TTC7A: variants seen among roughly 807,000 people sequenced by gnomAD.
TTC7A encodes tetratricopeptide repeat domain 7A, also known as tetratricopeptide repeat protein 7A.
In TTC7A, 110 loss-of-function variants were observed where a neutral mutation model predicts 103.7. The ratio of observed to expected loss-of-function variants is 1.06; its 90% confidence interval spans 0.91 to 1.24. TTC7A has a LOEUF of 1.24. TTC7A is among the 50% of genes most tolerant of loss of function. TTC7A has a pLI of 0.00. For synonymous variants in TTC7A, 521 were observed against 467.9 expected (o/e 1.11, Z -1.47); for missense variants, 1,340 against 1,116.3 (o/e 1.20, Z -2.86).
chr2:46,968,542 G>A (rs750636690), intron 3 of TTC7A, among the ~76,000 whole-genome samples: 6 of 152,122 alleles, frequency 3.9e-5, no homozygotes, highest in East Asian at 3.9e-4. Flanking sequence ...CAAGGTTCCC[G>A]GCCCCTTTTT....
At chr2:46,970,743 G>A (rs548630276) in intron 3 of TTC7A, among the ~76,000 whole-genome samples, 4 of 152,214 alleles carry the variant, frequency 2.6e-5, no homozygotes, top group African/African-American at 4.8e-5. Flanking sequence ...AGTGAGCAAC[G>A]AGGCCTGCCT....
At chr2:47,063,418 C>T (rs895634370) in intron 19 of TTC7A, among the ~76,000 whole-genome samples, 1 of 152,228 alleles carries the variant, frequency 6.6e-6, no homozygotes, top group Non-Finnish European at 1.5e-5. Context: ...CTTTTTCCCA[C>T]TGAGCAAAGA....
chr2:47,044,867 G>C (rs781256111), intron 15 of TTC7A, among the ~76,000 whole-genome samples: 3 of 152,222 alleles, frequency 2.0e-5, no homozygotes, highest in African/African-American at 7.2e-5. Context: ...ACATCAGAGG[G>C]CTTCATGAAG....
intron 15 of TTC7A, among the ~76,000 whole-genome samples, chr2:47,029,754 C>A (rs1323250564): frequency 6.6e-6 from 1 of 152,222 alleles, no homozygotes; most frequent in African/African-American, 2.4e-5. Context: ...ATAGCCCTGA[C>A]ACAGTCAGCC....
At chr2:47,071,346 A>G (rs1321158622) in intron 19 of TTC7A, 1 of 152,136 alleles carries the variant, frequency 6.6e-6, no homozygotes, top group Non-Finnish European at 1.5e-5. Flanking sequence ...GACATGAGCC[A>G]ACCCACCCTA....
At chr2:47,067,194 A>G (rs535690652) in intron 19 of TTC7A, among the ~76,000 whole-genome samples, 1 of 152,352 alleles carries the variant, frequency 6.6e-6, no homozygotes, top group African/African-American at 2.4e-5. Flanking sequence ...GACACATTCA[A>G]TCCATAGCAC....
chr2:46,915,940 G>C (rs1001400932), upstream of TTC7A: 4 of 985,196 alleles, frequency 4.1e-6, no homozygotes, highest in Non-Finnish European at 4.8e-6. Context: ...CGTGTAATCG[G>C]CCCGGGCCCA....
At chr2:46,973,146 A>G (rs1306663087) in intron 3 of TTC7A, among the ~76,000 whole-genome samples, 1 of 152,202 alleles carries the variant, frequency 6.6e-6, no homozygotes, top group Non-Finnish European at 1.5e-5. Flanking sequence ...GCCCATGTCC[A>G]ATCCTGTTCC....
intron 18 of TTC7A, 69 bp from the exon 19 acceptor site, chr2:47,060,700 C>A: frequency 6.9e-7 from 1 of 1,451,596 alleles, no homozygotes; most frequent in South Asian, 1.3e-5. Flanking sequence ...TCTGAGGATG[C>A]AGGGAGGGGG....
chr2:46,993,615 C>A, intron 6 of TTC7A, 87 bp downstream of exon 6: 1 of 1,270,532 alleles, frequency 7.9e-7, no homozygotes, highest in Non-Finnish European at 1.1e-6. Flanking sequence ...GCCTGTGAAG[C>A]AGGGGTGGCA....
rs144825175 is a variant in TTC7A at position 46,932,727 on chromosome 2, C to T, written c.82+15450C>T. 4.9e-3 allele frequency among the ~76,000 whole-genome samples: 747 copies of T among 151,540 alleles called. 6 individuals are homozygous for T. Among genetic ancestry groups the T allele is most frequent in the African/African-American group, 0.017 (715 of 41,314 alleles). On this transcript the variant is annotated intron_variant, in intron 2 of 20. Transcript: ENST00000409245. ...ACCAGTTTGGCCAACAAGGTGAAAC[C>T]CCATCTCTGCTAAAGATACAAAAAT... is the stretch of plus-strand genomic sequence containing the variant.
intron 2 of TTC7A, 129 bp downstream of exon 2, chr2:46,950,655 C>A: frequency 3.1e-6 from 3 of 975,488 alleles, no homozygotes; most frequent in Non-Finnish European, 4.5e-6. Flanking sequence ...CTTGCACTTA[C>A]AGTAGCCACT....
At chr2:46,981,314 G>A (rs1347974926) in intron 5 of TTC7A, among the ~76,000 whole-genome samples, 3 of 151,956 alleles carry the variant, frequency 2.0e-5, no homozygotes, top group African/African-American at 4.8e-5. Context: ...AGGCTTGGCT[G>A]TGAGCCTCTT....
intron 19 of TTC7A, chr2:47,066,038 G>A (rs1350459629): frequency 6.6e-6 from 1 of 152,216 alleles, no homozygotes; most frequent in African/African-American, 2.4e-5. Flanking sequence ...GTAGTGGGGA[G>A]ATGGCTCTGC....
intron 2 of TTC7A, among the ~76,000 whole-genome samples, chr2:46,930,453 AC>A (rs1203375815): frequency 4.9e-4 from 72 of 148,426 alleles, no homozygotes; most frequent in African/African-American, 1.7e-3. Flanking sequence ...AAAAAAACTT[AC>A]CAAAAATTGA....
At chr2:46,973,039 A>G (rs1673510274) in intron 3 of TTC7A, among the ~76,000 whole-genome samples, 1 of 152,068 alleles carries the variant, frequency 6.6e-6, no homozygotes, top group Non-Finnish European at 1.5e-5. Flanking sequence ...TTATGGTAAA[A>G]CATCCTCTTT....
chr2:47,026,973 C>T (rs1239982230), intron 14 of TTC7A, among the ~76,000 whole-genome samples: 1 of 152,200 alleles, frequency 6.6e-6, no homozygotes, highest in East Asian at 1.9e-4. Flanking sequence ...CTTTCCACAT[C>T]ACCGCGTGAA....
intron 2 of TTC7A, among the ~76,000 whole-genome samples, chr2:46,954,657 C>T (rs1034324874): frequency 3.3e-5 from 5 of 150,990 alleles, no homozygotes; most frequent in Admixed American, 6.6e-5. Flanking sequence ...CTGCAACCTC[C>T]GCCTCCCGGG....
At chr2:47,044,075 GCTGA>G (rs565843666) in intron 15 of TTC7A, among the ~76,000 whole-genome samples, 139 of 152,308 alleles carry the variant, frequency 9.1e-4, no homozygotes, top group African/African-American at 3.2e-3. Context: ...AGGGGACTTG[GCTGA>G]CTGAGGGAGG....
Sources: gnomAD v4.1 joint callset for allele counts (sites outside exome capture counted in the v4.1 genomes callset) on GRCh38, gnomAD v4.1.1 for gene constraint, MANE v1.5 for transcripts, NCBI Gene and HGNC (gene_info 2026-07-23, HGNC 2026-07-21) for gene names.